Variants in ST3GAL2 observed in about 807,000 individuals in gnomAD.
ST3GAL2 encodes the protein ST3 beta-galactoside alpha-2,3-sialyltransferase 2.
In ST3GAL2, 16 loss-of-function variants were observed where a neutral mutation model predicts 37.5. The ratio of observed to expected loss-of-function variants is 0.43; its 90% CI spans 0.29 to 0.65. ST3GAL2 has a LOEUF of 0.65. Ranked by LOEUF, ST3GAL2 falls within the 30% of genes least tolerant of loss-of-function variation. The pLI is 0.17. For missense variants in ST3GAL2, 383 were observed against 487.8 expected (o/e 0.79, Z 2.02); for synonymous variants, 238 against 202.9 (o/e 1.17, Z -1.47).
chr16:70,420,425 G>C (rs977391314), intron 1 of ST3GAL2, among the ~76,000 whole-genome samples: 3 of 152,146 alleles, frequency 2.0e-5, no homozygotes, highest in African/African-American at 7.2e-5. Context: ...AAGAGCCCTG[G>C]GTAGAGAAGA....
At chr16:70,409,620 G>T (rs2047622106) in intron 1 of ST3GAL2, among the ~76,000 whole-genome samples, 1 of 152,010 alleles carries the variant, frequency 6.6e-6, no homozygotes, top group African/African-American at 2.4e-5. Context: ...TGGGATTACA[G>T]GTGTCAGCCA....
chr16:70,382,649 G>C (rs532589185), intron 6 of ST3GAL2, among the ~76,000 whole-genome samples, 156 bp downstream of exon 6: 163 of 152,284 alleles, frequency 1.1e-3, no homozygotes, highest in Non-Finnish European at 1.7e-3. Flanking sequence ...TTTGGGAAAG[G>C]CATATCTATA....
At chr16:70,385,514 A>G (rs1294482388) in intron 4 of ST3GAL2, among the ~76,000 whole-genome samples, 1 of 152,058 alleles carries the variant, frequency 6.6e-6, no homozygotes, top group Non-Finnish European at 1.5e-5. Flanking sequence ...ACACTTAAAA[A>G]TAGTTAAAAT....
At chr16:70,423,993 G>A (rs1353732948) in intron 1 of ST3GAL2, among the ~76,000 whole-genome samples, 1 of 151,904 alleles carries the variant, frequency 6.6e-6, no homozygotes, top group Non-Finnish European at 1.5e-5. Flanking sequence ...GGGAGGCAGA[G>A]CTGGCAGTGA....
intron 6 of ST3GAL2, among the ~76,000 whole-genome samples, chr16:70,382,408 G>C (rs552589284): frequency 6.6e-6 from 1 of 151,834 alleles, no homozygotes; most frequent in Non-Finnish European, 1.5e-5. Context: ...TCAGCCTCCC[G>C]AGTAGCTAAG....
chr16:70,433,232 T>C (rs917218053), intron 1 of ST3GAL2, among the ~76,000 whole-genome samples: 4 of 152,146 alleles, frequency 2.6e-5, no homozygotes, highest in Non-Finnish European at 5.9e-5. Context: ...TTTCCACTTC[T>C]ACTGCCAAGT....
rs1597577345 is a variant in ST3GAL2 at position 70,429,467 on chromosome 16, C to T, written c.-1004+9482G>A. On this transcript the variant is annotated intron_variant, in intron 1 of 6. Coordinates refer to ENST00000342907, the MANE Select transcript of ST3GAL2 (RefSeq NM_006927.4). ...AATTAGCCGGGCGTAGTGGCAGATG[C>T]CTGTAGTCCCAGCTAGCAGGCTGAG... Among the ~76,000 whole-genome samples the T allele has an allele frequency of 2.0e-5, 3 of 151,658 alleles. No individual in the cohort carries two copies. In the East Asian group the frequency reaches 5.9e-4, roughly 30 times the overall value.
At chr16:70,408,890 CAAAAAAAAAAAAAAAAAAAAAAAAA>C (rs59060353) in intron 1 of ST3GAL2, among the ~76,000 whole-genome samples, 38 of 59,866 alleles carry the variant, frequency 6.3e-4, no homozygotes, top group East Asian at 1.2e-3. Flanking sequence ...CTCAAAGAAA[CAAAAAAAAAAAAAAAAAAAAAAAAA>C]AAAAAAAAAA....
chr16:70,395,506 G>A (rs2047509649), intron 2 of ST3GAL2, among the ~76,000 whole-genome samples: 2 of 152,182 alleles, frequency 1.3e-5, no homozygotes, highest in African/African-American at 4.8e-5. Context: ...CTGGGCCACG[G>A]AGCAGAGCAG....
At chr16:70,392,374 A>G (rs1232595787) in intron 3 of ST3GAL2, among the ~76,000 whole-genome samples, 1 of 152,202 alleles carries the variant, frequency 6.6e-6, no homozygotes, top group East Asian at 1.9e-4. Context: ...TCGGGAACAC[A>G]GCATTCTAGA....
intron 4 of ST3GAL2, among the ~76,000 whole-genome samples, chr16:70,384,486 C>T (rs1251851316): frequency 2.0e-5 from 3 of 151,978 alleles, no homozygotes; most frequent in African/African-American, 7.3e-5. Flanking sequence ...GGGGCCAGAT[C>T]ACAAGGTCAA....
Position 70,388,532 on chromosome 16 carries a change from G to A in ST3GAL2, c.548C>T (p.Pro183Leu). ...AACATCCTGCTCAAAGCCCACGGTTGGCGCCTGATTCATCCTGCAGGGACA... is the reference window on the plus strand; with the variant it reads ...AACATCCTGCTCAAAGCCCACGGTTAGCGCCTGATTCATCCTGCAGGGACA... ...HNFIMRMNQA[P>L]TVGFEQDVGS... The change falls in exon 4 of 7, where the codon CCA (proline) becomes CTA (leucine). Residue 183 changes from proline (P) to leucine (L), a missense_variant. Pro to Leu is a moderately conservative substitution (Grantham distance 98, BLOSUM62 -3). Coordinates refer to ENST00000342907, the MANE Select transcript of ST3GAL2 (RefSeq NM_006927.4). 2 of 1,596,098 alleles carry A rather than the reference G, an allele frequency of 1.3e-6. No homozygotes were observed. The highest frequency in any genetic ancestry group is 1.7e-6 in the Non-Finnish European group (2 of 1,169,432).
chr16:70,389,819 C>G (rs540043216), intron 3 of ST3GAL2, among the ~76,000 whole-genome samples: 1 of 151,558 alleles, frequency 6.6e-6, no homozygotes, highest in Non-Finnish European at 1.5e-5. Flanking sequence ...CGGAGTCTTG[C>G]TCTGTCGCCC....
chr16:70,408,480 G>C (rs1313007887), intron 1 of ST3GAL2, among the ~76,000 whole-genome samples: 2 of 152,040 alleles, frequency 1.3e-5, no homozygotes, highest in African/African-American at 4.8e-5. Flanking sequence ...AGCGAGGCCT[G>C]TCCTTGACCT....
chr16:70,423,455 A>T (rs982000056), intron 1 of ST3GAL2, among the ~76,000 whole-genome samples: 1 of 152,136 alleles, frequency 6.6e-6, no homozygotes, highest in Non-Finnish European at 1.5e-5. Flanking sequence ...GGCTGCAATG[A>T]GCCAAGACCA....
intron 1 of ST3GAL2, among the ~76,000 whole-genome samples, chr16:70,416,431 A>G (rs1384669239): frequency 6.6e-6 from 1 of 152,182 alleles, no homozygotes; most frequent in African/African-American, 2.4e-5. Context: ...CTCTCACTTA[A>G]AAGAACCCTA....
chr16:70,416,646 G>A (rs1470527767), intron 1 of ST3GAL2, among the ~76,000 whole-genome samples: 1 of 152,154 alleles, frequency 6.6e-6, no homozygotes, highest in Non-Finnish European at 1.5e-5. Flanking sequence ...AATTATATAA[G>A]TATGCATATG....
At chr16:70,426,195 T>G (rs559883195) in intron 1 of ST3GAL2, among the ~76,000 whole-genome samples, 3,336 of 143,410 alleles carry the variant, frequency 0.023, 51 homozygotes, top group Non-Finnish European at 0.037. Flanking sequence ...TTTTTTTTTT[T>G]TTTTTTTTTT....
At position 70,381,660 on chromosome 16, in the gene ST3GAL2, G is replaced by A. The variant is rs1239759282; in HGVS notation, c.*29C>T. ...GCCGGAGCCCCGGTGCCCGATAGAT[G>A]GGCCGGAAGGGTCGCGGCGAGGCCC... On this transcript the variant is annotated 3_prime_UTR_variant, in exon 7 of 7. Transcript: ENST00000342907. The A allele has an allele frequency of 1.2e-6, 2 of 1,606,548 alleles. No individual in the cohort carries two copies. Among genetic ancestry groups the A allele is most frequent in the East Asian group, 2.2e-5 (1 of 44,736 alleles).
Sources: allele counts gnomAD v4.1 joint callset (sites outside exome capture counted in the v4.1 genomes callset), GRCh38; gene constraint gnomAD v4.1.1; transcripts MANE v1.5; gene names NCBI Gene and HGNC (gene_info 2026-07-23, HGNC 2026-07-21).